TJP1: variants seen among roughly 807,000 people sequenced by gnomAD.
The protein encoded by TJP1 is tight junction protein 1, also known as tight junction protein ZO-1.
In TJP1, 43 loss-of-function variants were observed where a neutral mutation model predicts 194.2. The ratio of observed to expected loss-of-function variants is 0.22; its 90% CI spans 0.17 to 0.29. TJP1 has a LOEUF of 0.29. Among genes scored for constraint, TJP1 ranks in the 10% least tolerant of loss-of-function variants. TJP1 has a pLI of 1.00. For synonymous variants in TJP1, 801 were observed against 779.0 expected, an observed-to-expected ratio of 1.03 and a Z score of -0.47; for missense variants, 1,971 against 2,185.7, an observed-to-expected ratio of 0.90 and a Z score of 1.96.
intron 2 of TJP1, among the ~76,000 whole-genome samples, chr15:29,917,881 C>A (rs548922067): frequency 6.6e-6 from 1 of 152,132 alleles, no homozygotes; most frequent in South Asian, 2.1e-4. Context: ...AACAGTTCAG[C>A]GACATTAAGT....
chr15:29,845,251 T>C (rs1275143749), intron 2 of TJP1, among the ~76,000 whole-genome samples: 1 of 152,142 alleles, frequency 6.6e-6, no homozygotes, highest in Non-Finnish European at 1.5e-5. Context: ...AAAGACAATA[T>C]TGGTCAGGCT....
chr15:29,812,437 T>A (rs146666817), intron 1 of TJP1, among the ~76,000 whole-genome samples: 3 of 152,298 alleles, frequency 2.0e-5, no homozygotes, highest in African/African-American at 4.8e-5. Flanking sequence ...AACTGGGAGA[T>A]CTGGCCTGTC....
chr15:29,947,683 G>T (rs1171445296), intron 2 of TJP1, among the ~76,000 whole-genome samples: 1 of 152,146 alleles, frequency 6.6e-6, no homozygotes, highest in African/African-American at 2.4e-5. Context: ...ATGTCCCTGG[G>T]GAGGGCATCT....
intron 2 of TJP1, among the ~76,000 whole-genome samples, chr15:29,793,760 G>A (rs2048240101): frequency 6.6e-6 from 1 of 152,044 alleles, no homozygotes; most frequent in Non-Finnish European, 1.5e-5. Flanking sequence ...CCAACACTGG[G>A]GATTACAATT....
intron 2 of TJP1, among the ~76,000 whole-genome samples, chr15:29,896,357 G>A (rs2053476870): frequency 6.6e-6 from 1 of 152,148 alleles, no homozygotes; most frequent in Non-Finnish European, 1.5e-5. Context: ...CATGTGACAT[G>A]TGCCTTTCAC....
chr15:29,754,477 C>T lies in TJP1; in HGVS notation c.1010+6662G>A, dbSNP rs186922952. On this transcript the variant is annotated intron_variant, in intron 8 of 27. Transcript: ENST00000614355. The stretch of plus-strand genomic sequence containing the variant: ...AAACACGATGACACATGTTTACCTA[C>T]GTAACAAACCTGCATATGTACCCCT... Among the ~76,000 whole-genome samples the T allele has an allele frequency of 1.5e-3, 231 of 152,012 alleles. 1 individual carries two copies. The highest frequency in any genetic ancestry group is 5.5e-3 in the African/African-American group (226 of 41,446).
chr15:29,743,558 C>G (rs2044566330), intron 8 of TJP1, among the ~76,000 whole-genome samples: 1 of 152,104 alleles, frequency 6.6e-6, no homozygotes, highest in East Asian at 1.9e-4. Context: ...ATTCCATACT[C>G]TGTAAAAAAA....
intron 1 of TJP1, among the ~76,000 whole-genome samples, chr15:29,963,353 A>G (rs1398500351): frequency 6.6e-6 from 1 of 152,140 alleles, no homozygotes. Flanking sequence ...ACCTTGATCA[A>G]TTGTATGAGT....
At position 29,718,801 on chromosome 15, in the gene TJP1, A is replaced by C; in HGVS notation, c.3341T>G (p.Leu1114Arg). ...CTCTTCGGGATGCTGTCTGGAGTCAAGGTCTTGAGAGTGCTGATTATCAAA... is the reference window on the plus strand; with the variant it reads ...CTCTTCGGGATGCTGTCTGGAGTCACGGTCTTGAGAGTGCTGATTATCAAA... Reference protein sequence around the residue: ...PPFDNQHSQDLDSRQHPEESS... With the variant: ...PPFDNQHSQDRDSRQHPEESS... Residue 1114 changes from leucine to arginine, a missense_variant, in exon 21 of 28, where the codon CTT (leucine) becomes CGT (arginine). Leu to Arg is a moderately radical substitution (Grantham distance 102, BLOSUM62 -2). This residue lies in a region of TJP1 where 1,108 missense variants were observed against 1,128.5 expected (regional missense o/e 0.98). Transcript: ENST00000614355. 1 of 1,614,162 alleles carries C rather than the reference A, an allele frequency of 6.2e-7. No homozygotes were observed. The highest frequency in any genetic ancestry group is 1.3e-5 in the African/African-American group (1 of 75,046).
intron 1 of TJP1, among the ~76,000 whole-genome samples, chr15:29,965,703 T>C (rs2056310241): frequency 6.6e-6 from 1 of 152,186 alleles, no homozygotes; most frequent in Non-Finnish European, 1.5e-5. Flanking sequence ...TGAAACATTA[T>C]CTAAAAAATA....
intron 2 of TJP1, among the ~76,000 whole-genome samples, chr15:29,841,885 A>G (rs1475446644): frequency 6.6e-6 from 1 of 152,202 alleles, no homozygotes; most frequent in East Asian, 1.9e-4. Context: ...ACTATACATA[A>G]TAAAGTTGGT....
At chr15:29,735,947 C>T (rs2044004667) in intron 11 of TJP1, among the ~76,000 whole-genome samples, 1 of 152,074 alleles carries the variant, frequency 6.6e-6, no homozygotes, top group South Asian at 2.1e-4. Context: ...ACTTGAGCAA[C>T]CAAACCCAAG....
chr15:29,786,128 A>G (rs181246091), intron 2 of TJP1, among the ~76,000 whole-genome samples: 1 of 152,222 alleles, frequency 6.6e-6, no homozygotes. Flanking sequence ...AATGCTGTTC[A>G]ATCTTCTATG....
intron 2 of TJP1, among the ~76,000 whole-genome samples, chr15:29,894,622 G>A (rs1000534227): frequency 3.3e-5 from 5 of 152,140 alleles, no homozygotes; most frequent in African/African-American, 1.2e-4. Flanking sequence ...CACCTATTGC[G>A]AGCTGTAGTC....
intron 8 of TJP1, among the ~76,000 whole-genome samples, chr15:29,745,313 A>AAC (rs1356476314): frequency 1.3e-5 from 2 of 151,304 alleles, no homozygotes; most frequent in Admixed American, 6.6e-5. Flanking sequence ...AAAAAAAAAA[A>AAC]AAAACTTAAT....
intron 8 of TJP1, among the ~76,000 whole-genome samples, chr15:29,746,519 A>G (rs1004022526): frequency 6.6e-6 from 1 of 152,226 alleles, no homozygotes; most frequent in East Asian, 1.9e-4. Context: ...GCACATGCCC[A>G]TGTACAGACA....
upstream of TJP1, among the ~76,000 whole-genome samples, chr15:29,826,950 C>T (rs1301824690): frequency 6.6e-6 from 1 of 152,076 alleles, no homozygotes; most frequent in Non-Finnish European, 1.5e-5. Flanking sequence ...CCTGTCGCCT[C>T]CTAGGAGGGT....
At chr15:29,921,205 C>G (rs2054346250) in intron 2 of TJP1, among the ~76,000 whole-genome samples, 1 of 152,144 alleles carries the variant, frequency 6.6e-6, no homozygotes, top group African/African-American at 2.4e-5. Flanking sequence ...AGCTTCCTGG[C>G]CCTCTGAATG....
intron 2 of TJP1, among the ~76,000 whole-genome samples, chr15:29,891,823 C>T (rs1217874574): frequency 6.6e-6 from 1 of 152,134 alleles, no homozygotes; most frequent in Non-Finnish European, 1.5e-5. Flanking sequence ...TCTCTGCAGG[C>T]CTCCTTATTC....
Sources: gnomAD v4.1 joint callset for allele counts (sites outside exome capture counted in the v4.1 genomes callset) on GRCh38, gnomAD v4.1.1 for gene constraint, gnomAD v4.1.1 regional missense constraint, MANE v1.5 for transcripts, NCBI Gene and HGNC (gene_info 2026-07-23, HGNC 2026-07-21) for gene names.